The following ABCC11 variants were observed in gnomAD, a reference collection of about 807,000 sequenced individuals.
ABCC11 encodes the protein ATP binding cassette subfamily C member 11.
ABCC11 carries 135 observed loss-of-function variants against 149.3 expected under a neutral mutation model. That is an observed-to-expected ratio of 0.90 (90% CI 0.79 to 1.04). The LOEUF (loss-of-function observed/expected upper bound fraction) is 1.04, where lower values mean the gene tolerates loss of function less well. Ranked by LOEUF, ABCC11 falls within the 50% of genes least tolerant of loss-of-function variation. The pLI, the probability that ABCC11 is intolerant of heterozygous loss-of-function variation, is 0.00. For missense variants in ABCC11, 1,680 were observed against 1,722.1 expected (o/e 0.98, Z 0.43); for synonymous variants, 665 against 671.4 (o/e 0.99, Z 0.15).
intron 10 of ABCC11, 137 bp downstream of exon 10, chr16:48,213,306 A>G (rs969952492): frequency 3.0e-6 from 2 of 672,248 alleles, no homozygotes; most frequent in African/African-American, 3.7e-5. Context: ...GCCTTGGAAC[A>G]GGAGGTCACT....
At chr16:48,217,463 G>C (rs1408115555) in intron 6 of ABCC11, among the ~76,000 whole-genome samples, 1 of 152,106 alleles carries the variant, frequency 6.6e-6, no homozygotes, top group Non-Finnish European at 1.5e-5. Context: ...AGGCACGGGG[G>C]CACATGCCTG....
At position 48,216,258 on chromosome 16, in the gene ABCC11, G is replaced by A. The variant is rs200209770; in HGVS notation, c.807C>T (p.Asn269=). Reference sequence around the variant, plus strand: ...CATAGCACACCCCTTCAAACAGGTAGTTTACATCACCGGTGAAGAAGCTGA... The same window carrying A: ...CATAGCACACCCCTTCAAACAGGTAATTTACATCACCGGTGAAGAAGCTGA... The part of the protein sequence containing the change: ...EAISFFTGDV[N]YLFEGVCYGP... The change falls in exon 7 of 30, where the codon AAC becomes AAT. Residue 269 remains asparagine (N), a synonymous_variant. Transcript: ENST00000356608. 5 of 1,613,686 alleles carry A rather than the reference G, an allele frequency of 3.1e-6. No homozygotes were observed. The highest frequency in any genetic ancestry group is 1.3e-5 in the African/African-American group (1 of 75,042).
At chr16:48,231,744 G>C in intron 2 of ABCC11, 79 bp downstream of exon 2, 1 of 1,529,500 alleles carries the variant, frequency 6.5e-7, no homozygotes. Flanking sequence ...GGAAGAAATT[G>C]TTTGACGTAA....
chr16:48,224,311 A>T lies in ABCC11; in HGVS notation c.514T>A (p.Cys172Ser). Residue 172 changes from cysteine to serine, a missense_variant, in exon 5 of 30, where the codon TGC becomes AGC. Transcript: ENST00000356608. ...RLIFDALLGI[C>S]FCIASVLGPI... Reference sequence around the variant, plus strand: ...CCGAGTACACTGGCAATGCAGAAGCAGATGCCCAGAAGTGCATCGAAAATC... The same window carrying T: ...CCGAGTACACTGGCAATGCAGAAGCTGATGCCCAGAAGTGCATCGAAAATC... The T allele has an allele frequency of 4.3e-6, 7 of 1,614,226 alleles. No homozygotes were observed. The highest frequency in any genetic ancestry group is 5.9e-6 in the Non-Finnish European group (7 of 1,180,032).
rs934271127 is a variant in ABCC11 at position 48,192,165 on chromosome 16, C to T, written c.2706+355G>A. Among the ~76,000 whole-genome samples, 4 of 151,898 alleles carry T rather than the reference C, an allele frequency of 2.6e-5. No individual in the cohort carries two copies. In the South Asian group the frequency reaches 8.3e-4, roughly 32 times the overall value. ...GTCTACTAATAAAAAAAAAATAGGC[C>T]GGGGGTGGTGGCTCATGCCTGTAAT... is the stretch of plus-strand genomic sequence containing the variant. On this transcript the variant is annotated intron_variant, in intron 20 of 29. Coordinates refer to ENST00000356608, the MANE Select transcript of ABCC11 (RefSeq NM_001370497.1).
At chr16:48,205,608 C>G in intron 12 of ABCC11, 71 bp from the exon 13 acceptor site, 2 of 1,575,358 alleles carry the variant, frequency 1.3e-6, no homozygotes, top group Non-Finnish European at 1.7e-6. Flanking sequence ...TCAGCAGGCA[C>G]AGTGCCCAGG....
At chr16:48,234,799 C>A (rs1970606775) in intron 1 of ABCC11, among the ~76,000 whole-genome samples, 1 of 151,962 alleles carries the variant, frequency 6.6e-6, no homozygotes, top group South Asian at 2.1e-4. Context: ...GGTGAGTGAG[C>A]CAAAAAAGGA....
In ABCC11 at chr16:48,167,373, G is replaced by T; in HGVS notation, c.4057-7C>A. ...GCCGATCAAATTCTACCACCTGGAGGGTAGAGAAAGGCGAGGGGAGGATCA... is the reference window on the plus strand; with the variant it reads ...GCCGATCAAATTCTACCACCTGGAGTGTAGAGAAAGGCGAGGGGAGGATCA... On this transcript the variant is annotated splice_region_variant and splice_polypyrimidine_tract_variant and intron_variant, in intron 29 of 29. Coordinates refer to ENST00000356608, the MANE Select transcript of ABCC11 (RefSeq NM_001370497.1). The T allele has an allele frequency of 7.1e-7, 1 of 1,400,768 alleles. No homozygotes were observed. The highest frequency in any genetic ancestry group is 1.0e-6 in the Non-Finnish European group (1 of 985,364). 86.8% of individuals were successfully genotyped at this position (1,400,768 alleles called of 1,614,324 possible). A position where few individuals can be genotyped will look rare whatever the true frequency, so the allele number is the denominator to read the frequency against.
At chr16:48,189,728 C>T (rs980731813) in intron 20 of ABCC11, among the ~76,000 whole-genome samples, 2 of 152,112 alleles carry the variant, frequency 1.3e-5, no homozygotes, top group African/African-American at 2.4e-5. Flanking sequence ...CCCCAGAGGC[C>T]GGGTGGGAAA....
chr16:48,201,950 A>C (rs898036998), intron 14 of ABCC11, among the ~76,000 whole-genome samples: 9 of 152,184 alleles, frequency 5.9e-5, no homozygotes, highest in Non-Finnish European at 1.0e-4. Context: ...GTAGAGAAGA[A>C]TCAGAGTTGA....
chr16:48,177,450 T>C (rs1966156363), intron 24 of ABCC11, among the ~76,000 whole-genome samples: 1 of 152,264 alleles, frequency 6.6e-6, no homozygotes, highest in African/African-American at 2.4e-5. Flanking sequence ...GGGGGGTTCA[T>C]AGCTCAGAGC....
downstream of ABCC11, chr16:48,165,002 A>C (rs1382198063): frequency 6.6e-6 from 1 of 152,032 alleles, no homozygotes; most frequent in Non-Finnish European, 1.5e-5. Flanking sequence ...GGATCCGGCC[A>C]GCTCAGAAGC....
intron 1 of ABCC11, among the ~76,000 whole-genome samples, chr16:48,246,094 A>G (rs561496974): frequency 6.6e-6 from 1 of 152,322 alleles, no homozygotes; most frequent in Admixed American, 6.5e-5. Flanking sequence ...AGATTCTCAA[A>G]GGAGACTGGT....
At chr16:48,176,354 G>A (rs991657824) in intron 25 of ABCC11, among the ~76,000 whole-genome samples, 6 of 152,202 alleles carry the variant, frequency 3.9e-5, no homozygotes, top group Non-Finnish European at 7.4e-5. Flanking sequence ...AGGGGGACTT[G>A]GGCCAGATCT....
At chr16:48,188,559 T>C (rs1404270899) in intron 20 of ABCC11, among the ~76,000 whole-genome samples, 1 of 152,358 alleles carries the variant, frequency 6.6e-6, no homozygotes, top group Non-Finnish European at 1.5e-5. Flanking sequence ...ATGAGGCCTT[T>C]CGGAGATCAA....
chr16:48,207,404 A>G (rs896846418), intron 12 of ABCC11, among the ~76,000 whole-genome samples: 6 of 152,252 alleles, frequency 3.9e-5, no homozygotes, highest in Non-Finnish European at 7.4e-5. Context: ...GGTGGCTCAC[A>G]TCTATAATCC....
intron 17 of ABCC11, among the ~76,000 whole-genome samples, chr16:48,196,711 C>T (rs568813004): frequency 2.0e-5 from 3 of 152,140 alleles, no homozygotes; most frequent in Admixed American, 2.0e-4. Context: ...AACGGAAAGC[C>T]GAGAAGTTTG....
At chr16:48,185,022 G>A (rs1345057601) in intron 22 of ABCC11, among the ~76,000 whole-genome samples, 1 of 152,154 alleles carries the variant, frequency 6.6e-6, no homozygotes, top group Non-Finnish European at 1.5e-5. Context: ...TCTGCTACTA[G>A]GAGGGGAGCC....
In ABCC11 at chr16:48,227,954, G is replaced by T; in HGVS notation, c.247C>A (p.Pro83Thr). The T allele has an allele frequency of 6.2e-7, 1 of 1,611,988 alleles. No individual in the cohort carries two copies. Among genetic ancestry groups the T allele is most frequent in the Non-Finnish European group, 8.5e-7 (1 of 1,178,902 alleles). Residue 83 changes from proline to threonine, a missense_variant, in exon 4 of 30, where the codon CCC becomes ACC. Coordinates refer to ENST00000356608, the MANE Select transcript of ABCC11 (RefSeq NM_001370497.1). ...AGGCCAGCATTGTCCAGGGGCTGGGGGGCAGGAAACCTAGTAGAGGGGCCA... is the reference window on the plus strand; with the variant it reads ...AGGCCAGCATTGTCCAGGGGCTGGGTGGCAGGAAACCTAGTAGAGGGGCCA... ...PFRPKPRFPA[P>T]QPLDNAGLFS...
Sources: allele counts gnomAD v4.1 joint callset (sites outside exome capture counted in the v4.1 genomes callset), GRCh38; gene constraint gnomAD v4.1.1; transcripts MANE v1.5; gene names NCBI Gene and HGNC (gene_info 2026-07-23, HGNC 2026-07-21).